Variants in VPS13D observed in about 807,000 individuals in gnomAD.
VPS13D encodes vacuolar protein sorting 13 homolog D, also known as intermembrane lipid transfer protein VPS13D.
Under a neutral mutation model 461.9 loss-of-function variants are expected in VPS13D, and 187 were observed. That is an observed-to-expected ratio of 0.40 (90% CI 0.36 to 0.46). The LOEUF (loss-of-function observed/expected upper bound fraction) is 0.46, where lower values mean the gene tolerates loss of function less well. Ranked by LOEUF, VPS13D falls within the 20% of genes least tolerant of loss-of-function variation. The probability of loss-of-function intolerance (pLI) is 0.60; values close to 1 mark genes in which losing one functional copy is unlikely to be tolerated. For synonymous variants in VPS13D, 1,951 were observed against 1,986.3 expected (o/e 0.98, Z 0.47); for missense variants, 4,711 against 5,364.9 (o/e 0.88, Z 3.81).
chr1:12,335,683 A>G (rs1557717013), intron 38 of VPS13D, 22 bp from the exon 39 acceptor site: 2 of 1,581,936 alleles, frequency 1.3e-6, no homozygotes, highest in African/African-American at 1.4e-5. Flanking sequence ...TTCTCTTAAT[A>G]TCTCTGGGGG....
At chr1:12,262,676 A>T (rs1315695607) in intron 13 of VPS13D, among the ~76,000 whole-genome samples, 4 of 151,914 alleles carry the variant, frequency 2.6e-5, no homozygotes, top group Non-Finnish European at 5.9e-5. Context: ...TAGGTATATG[A>T]AATGCATTTT....
At chr1:12,364,795 C>G (rs1644008568) in intron 52 of VPS13D, among the ~76,000 whole-genome samples, 1 of 152,078 alleles carries the variant, frequency 6.6e-6, no homozygotes, top group African/African-American at 2.4e-5. Context: ...ATTTGTATAT[C>G]TTCATTGGAA....
At chr1:12,312,055 T>TTAA in intron 29 of VPS13D, 130 bp downstream of exon 29, 2 of 598,122 alleles carry the variant, frequency 3.3e-6, no homozygotes, top group Non-Finnish European at 2.7e-6. Flanking sequence ...GAGTGTCTTT[T>TTAA]GGTTGATCTA....
At chr1:12,474,296 A>G (rs989125292) in intron 67 of VPS13D, among the ~76,000 whole-genome samples, 32 of 152,212 alleles carry the variant, frequency 2.1e-4, no homozygotes, top group Non-Finnish European at 3.2e-4. Context: ...TGGTTTGGAA[A>G]GCATTCTTCA....
chr1:12,270,622 C>A (rs1194130118), intron 16 of VPS13D, among the ~76,000 whole-genome samples: 2 of 152,118 alleles, frequency 1.3e-5, no homozygotes, highest in Non-Finnish European at 2.9e-5. Context: ...GCCTCCTCTC[C>A]CCCCATGGCT....
Position 12,383,007 on chromosome 1 carries a change from G to A in VPS13D, c.11222G>A (p.Gly3741Glu). 1.2e-6 allele frequency: 2 copies of A among 1,614,108 alleles called. No individual in the cohort carries two copies. Among genetic ancestry groups the A allele is most frequent in the Non-Finnish European group, 8.5e-7 (1 of 1,180,000 alleles). Residue 3741 changes from glycine (G) to glutamate (E), a missense_variant, in exon 58 of 70, where the codon GGA (glycine) becomes GAA (glutamate). Gly to Glu is a moderately conservative substitution (Grantham distance 98). This residue lies in a region of VPS13D where 4,411 missense variants were observed against 4,937.8 expected (regional missense o/e 0.89). Transcript: ENST00000620676. The part of the protein sequence containing the change: ...AKGGLSGLFD[G>E]AEVVLGPDTS... The stretch of plus-strand genomic sequence containing the variant: ...GGAGGACTTTCTGGTTTGTTTGATG[G>A]AGCTGAAGTTGTTCTTGGTCCTGAC...
At chr1:12,287,325 AT>A (rs368438135) in intron 21 of VPS13D, among the ~76,000 whole-genome samples, 1 of 151,910 alleles carries the variant, frequency 6.6e-6, no homozygotes, top group African/African-American at 2.4e-5. Flanking sequence ...TCTGTAAATG[AT>A]TTTTTTTCTT....
intron 18 of VPS13D, among the ~76,000 whole-genome samples, chr1:12,274,080 G>A (rs1199389527): frequency 3.3e-5 from 5 of 151,934 alleles, no homozygotes; most frequent in Middle Eastern, 3.2e-3. Context: ...TCACTCTGTC[G>A]CCCAGGCTGG....
chr1:12,497,919 TA>T (rs1645982659), intron 68 of VPS13D, among the ~76,000 whole-genome samples: 1 of 152,248 alleles, frequency 6.6e-6, no homozygotes. Context: ...AGATCATGAA[TA>T]AAATGTTCTC....
Position 12,314,106 on chromosome 1 carries a change from CTCTT to C in VPS13D, c.6936-7_6936-4del. The C allele has an allele frequency of 6.2e-7, 1 of 1,611,890 alleles. No individual in the cohort carries two copies. Among genetic ancestry groups the C allele is most frequent in the Non-Finnish European group, 8.5e-7 (1 of 1,178,564 alleles). On this transcript the variant is annotated splice_polypyrimidine_tract_variant and splice_region_variant and intron_variant, in intron 29 of 69. Coordinates refer to ENST00000620676, the MANE Select transcript of VPS13D (RefSeq NM_015378.4). ...TCACATCTTGCTTGCTTTCTTTTCTCTCTTTTAGATTTGACTTCAAGAAATGCAA... is the reference window on the plus strand; with the variant it reads ...TCACATCTTGCTTGCTTTCTTTTCTCTTAGATTTGACTTCAAGAAATGCAA...
At chr1:12,453,465 G>A (rs1015355519) in intron 65 of VPS13D, among the ~76,000 whole-genome samples, 2 of 152,116 alleles carry the variant, frequency 1.3e-5, no homozygotes, top group South Asian at 2.1e-4. Flanking sequence ...CTCTTCAGGT[G>A]GAGATGTGTC....
chr1:12,298,382 G>A (rs1642332726), intron 24 of VPS13D, among the ~76,000 whole-genome samples: 1 of 152,196 alleles, frequency 6.6e-6, no homozygotes, highest in Non-Finnish European at 1.5e-5. Flanking sequence ...GCTCACACCT[G>A]TAATCCCAGC....
intron 16 of VPS13D, among the ~76,000 whole-genome samples, chr1:12,269,542 C>T (rs1641371937): frequency 6.6e-6 from 1 of 152,138 alleles, no homozygotes; most frequent in East Asian, 1.9e-4. Flanking sequence ...GAGGAATGTT[C>T]AAGAATTTCC....
intron 6 of VPS13D, among the ~76,000 whole-genome samples, chr1:12,252,815 C>G (rs1640780330): frequency 6.7e-6 from 1 of 150,172 alleles, no homozygotes; most frequent in Non-Finnish European, 1.5e-5. Flanking sequence ...CCCCCTCCCC[C>G]TAAAAAACAA....
chr1:12,277,440 C>G lies in VPS13D; in HGVS notation c.3852C>G (p.Leu1284=), dbSNP rs1248631403. 1 of 1,614,166 alleles carries G rather than the reference C, an allele frequency of 6.2e-7. No individual in the cohort carries two copies. Among genetic ancestry groups the G allele is most frequent in the Admixed American group, 1.7e-5 (1 of 60,012 alleles). The change falls in exon 19 of 70, where the codon CTC becomes CTG. Residue 1284 remains leucine (L), a synonymous_variant. Coordinates refer to ENST00000620676, the MANE Select transcript of VPS13D (RefSeq NM_015378.4). ...FVERSKQECF[L]NLKMASLHYN... is the part of the protein sequence containing the mutation. ...AGAGATCTAAACAGGAGTGTTTTCT[C>G]AACCTGAAGATGGCTTCTTTACATT...
At chr1:12,373,961 G>A in intron 55 of VPS13D, 103 bp downstream of exon 55, 1 of 799,306 alleles carries the variant, frequency 1.3e-6, no homozygotes, top group Non-Finnish European at 1.9e-6. Flanking sequence ...GAGGCCATAG[G>A]GACTTGTGTG....
chr1:12,397,555 C>G (rs919138442), intron 60 of VPS13D, among the ~76,000 whole-genome samples: 7 of 152,292 alleles, frequency 4.6e-5, no homozygotes, highest in African/African-American at 1.4e-4. Context: ...TCCATTCTTA[C>G]TGAGCATCAA....
In VPS13D at chr1:12,400,254, T is replaced by C. The variant is rs1480475522; in HGVS notation, c.11708T>C (p.Val3903Ala). ...ACTCCCCTGAGCAATGAGAATGAGG[T>C]CATCGAGACCGGCCCAGCTGTGCAA... ...YVTPLSNENE[V>A]IETGPAVQVN... The change falls in exon 61 of 70, where the codon GTC (valine) becomes GCC (alanine). Residue 3903 changes from valine (V) to alanine (A), a missense_variant. Transcript: ENST00000620676. The C allele has an allele frequency of 6.2e-7, 1 of 1,614,104 alleles. No individual in the cohort carries two copies. The highest frequency in any genetic ancestry group is 1.1e-5 in the South Asian group (1 of 91,074).
chr1:12,235,985 A>G (rs1640135032), intron 2 of VPS13D, among the ~76,000 whole-genome samples: 1 of 152,348 alleles, frequency 6.6e-6, no homozygotes, highest in South Asian at 2.1e-4. Context: ...GAGTAAATAG[A>G]AATGGATATC....
Sources: allele counts gnomAD v4.1 joint callset (sites outside exome capture counted in the v4.1 genomes callset), GRCh38; gene constraint gnomAD v4.1.1; regional missense constraint gnomAD v4.1.1; transcripts MANE v1.5; gene names NCBI Gene and HGNC (gene_info 2026-07-23, HGNC 2026-07-21).